SEPTIN7: variants seen among roughly 807,000 people sequenced by gnomAD.
SEPTIN7 encodes the protein septin 7.
Under a neutral mutation model 63.3 loss-of-function variants are expected in SEPTIN7, and 10 were observed. The ratio of observed to expected loss-of-function variants is 0.16; its 90% CI spans 0.10 to 0.27. The LOEUF (loss-of-function observed/expected upper bound fraction) is 0.27, where lower values mean the gene tolerates loss of function less well. Ranked by LOEUF, SEPTIN7 falls within the 10% of genes least tolerant of loss-of-function variation. The pLI is 1.00. For synonymous variants in SEPTIN7, 131 were observed against 165.3 expected, an observed-to-expected ratio of 0.79 and a Z score of 1.59; for missense variants, 310 against 521.0, an observed-to-expected ratio of 0.59 and a Z score of 3.94.
intron 10 of SEPTIN7, among the ~76,000 whole-genome samples, chr7:35,889,093 A>T (rs1787474070): frequency 6.6e-6 from 1 of 152,252 alleles, no homozygotes; most frequent in Admixed American, 6.5e-5. Flanking sequence ...ACTTGTACCA[A>T]AAATGAATGA....
At chr7:35,902,763 C>T (rs2116394969) in intron 12 of SEPTIN7, 1 of 196,128 alleles carries the variant, frequency 5.1e-6, no homozygotes, top group East Asian at 1.2e-4. Flanking sequence ...CAGCCTCCAA[C>T]ATATTTGTGA....
intron 1 of SEPTIN7, among the ~76,000 whole-genome samples, chr7:35,804,811 A>G (rs1052073293): frequency 6.6e-6 from 1 of 151,578 alleles, no homozygotes; most frequent in African/African-American, 2.4e-5. Context: ...AATTATGACA[A>G]ATGGTAAGCG....
At chr7:35,871,267 T>C (rs898833849) in intron 4 of SEPTIN7, among the ~76,000 whole-genome samples, 1 of 152,150 alleles carries the variant, frequency 6.6e-6, no homozygotes, top group African/African-American at 2.4e-5. Flanking sequence ...TCTCAGGCAA[T>C]TTTTTTCAGT....
chr7:35,840,757 A>G (rs1784370930), intron 3 of SEPTIN7, among the ~76,000 whole-genome samples: 1 of 152,154 alleles, frequency 6.6e-6, no homozygotes, highest in Non-Finnish European at 1.5e-5. Context: ...TGAATACACT[A>G]TAATAGTAGA....
intron 10 of SEPTIN7, among the ~76,000 whole-genome samples, chr7:35,887,153 A>G (rs1247094858): frequency 3.9e-5 from 6 of 152,366 alleles, no homozygotes; most frequent in South Asian, 4.1e-4. Context: ...ATAATCTGCT[A>G]TGACAGTATA....
At chr7:35,910,393 A>G (rs573795674), downstream of SEPTIN7, among the ~76,000 whole-genome samples, 191 of 152,330 alleles carry the variant, frequency 1.3e-3, no homozygotes, top group African/African-American at 4.5e-3. Context: ...AGTTTTTGAA[A>G]TTAGCTAATT....
chr7:35,901,303 G>T (rs1192440799), intron 12 of SEPTIN7: 1 of 152,084 alleles, frequency 6.6e-6, no homozygotes, highest in East Asian at 1.9e-4. Context: ...AGCTAGATAG[G>T]TCCACAGTCC....
rs572193942 is a variant in SEPTIN7, at chr7:35,830,780, C to G, written c.62-712C>G. ...TTTTCACAGTTTGGCCAAGGATTAT[C>G]TATTTTATTTTCTGTGCTTCATTAG... On this transcript the variant is annotated intron_variant, in intron 1 of 13. Transcript: ENST00000350320. 5.3e-5 allele frequency among the ~76,000 whole-genome samples: 8 copies of G among 152,240 alleles called. No individual in the cohort carries two copies. The East Asian group carries it at 1.2e-3, about 22-fold the overall frequency.
chr7:35,846,420 TGTC>T (rs942841065), intron 3 of SEPTIN7, among the ~76,000 whole-genome samples: 37 of 152,172 alleles, frequency 2.4e-4, no homozygotes, highest in African/African-American at 8.2e-4. Context: ...TAACTGAAAA[TGTC>T]GTACCAACTA....
At chr7:35,817,664 C>T (rs1789159697) in intron 1 of SEPTIN7, among the ~76,000 whole-genome samples, 1 of 152,018 alleles carries the variant, frequency 6.6e-6, no homozygotes, top group African/African-American at 2.4e-5. Context: ...GTCTTCCACT[C>T]CATTAATGCA....
At chr7:35,883,187 T>C (rs1011777413) in intron 8 of SEPTIN7, among the ~76,000 whole-genome samples, 2 of 152,122 alleles carry the variant, frequency 1.3e-5, no homozygotes, top group African/African-American at 4.8e-5. Flanking sequence ...TATGTTTCAA[T>C]TAAAAACAAT....
intron 1 of SEPTIN7, among the ~76,000 whole-genome samples, chr7:35,829,725 G>C (rs1359893069): frequency 6.6e-6 from 1 of 152,126 alleles, no homozygotes; most frequent in Non-Finnish European, 1.5e-5. Context: ...TTACATTGCG[G>C]GCAGGGTGGA....
the SEPTIN7 span, among the ~76,000 whole-genome samples, chr7:35,912,772 A>G: frequency 1.3e-5 from 2 of 152,218 alleles, no homozygotes; most frequent in African/African-American, 4.8e-5. Flanking sequence ...TCTGCCATCT[A>G]TATTCTCAGC....
At chr7:35,863,098 A>G (rs1465928579) in intron 3 of SEPTIN7, among the ~76,000 whole-genome samples, 1 of 152,054 alleles carries the variant, frequency 6.6e-6, no homozygotes, top group Admixed American at 6.6e-5. Context: ...TTATACGGAG[A>G]TGTTCATTGT....
At chr7:35,879,490 TAAAAAA>T (rs11345858) in intron 6 of SEPTIN7, 12 of 156,478 alleles carry the variant, frequency 7.7e-5, no homozygotes, top group Admixed American at 7.0e-4. Flanking sequence ...AAAAATTAAA[TAAAAAA>T]AAAAAAATTA....
intron 3 of SEPTIN7, among the ~76,000 whole-genome samples, chr7:35,852,645 C>G (rs1443705003): frequency 6.6e-6 from 1 of 152,132 alleles, no homozygotes; most frequent in Non-Finnish European, 1.5e-5. Context: ...CTCCCAGTCA[C>G]AATGATTTGA....
chr7:35,870,912 T>C lies in SEPTIN7; in HGVS notation c.277-1754T>C, dbSNP rs147489878. On this transcript the variant is annotated intron_variant, in intron 4 of 13. Coordinates refer to ENST00000350320, the MANE Select transcript of SEPTIN7 (RefSeq NM_001788.6). Reference sequence around the variant, plus strand: ...ATTGTTTTCTCTGAGTTATTTTGCCTCTCTCATGTTATTAGGGTAACCTGA... The same window carrying C: ...ATTGTTTTCTCTGAGTTATTTTGCCCCTCTCATGTTATTAGGGTAACCTGA... Among the ~76,000 whole-genome samples the C allele has an allele frequency of 8.8e-3, 1,342 of 152,072 alleles. 14 individuals are homozygous for C. The highest frequency in any genetic ancestry group is 9.8e-3 in the African/African-American group (407 of 41,492).
intron 3 of SEPTIN7, among the ~76,000 whole-genome samples, chr7:35,842,242 C>A (rs528274683): frequency 1.3e-5 from 2 of 151,970 alleles, no homozygotes; most frequent in Admixed American, 1.3e-4. Flanking sequence ...AACTACAGAA[C>A]CTTAGAATTA....
intron 1 of SEPTIN7, 44 bp from the exon 2 acceptor site, chr7:35,831,447 TG>T (rs1396492157): frequency 6.5e-6 from 3 of 460,356 alleles, no homozygotes; most frequent in South Asian, 1.6e-5. Context: ...TTTCTTCTGT[TG>T]GAATCTGGAA....
Sources: gnomAD v4.1 joint callset for allele counts (sites outside exome capture counted in the v4.1 genomes callset) on GRCh38, gnomAD v4.1.1 for gene constraint, MANE v1.5 for transcripts, NCBI Gene and HGNC (gene_info 2026-07-23, HGNC 2026-07-21) for gene names.